ELF3: variants seen among roughly 807,000 people sequenced by gnomAD.
The protein encoded by ELF3 is ETS-related transcription factor Elf-3.
A neutral mutation model predicts 43.9 loss-of-function variants in ELF3; 18 were observed. The ratio of observed to expected loss-of-function variants is 0.41; its 90% CI spans 0.28 to 0.61. The LOEUF (loss-of-function observed/expected upper bound fraction) is 0.61, where lower values mean the gene tolerates loss of function less well. Ranked by LOEUF, ELF3 falls within the 20% of genes least tolerant of loss-of-function variation. The pLI is 0.30. For missense variants in ELF3, 373 were observed against 487.7 expected, an observed-to-expected ratio of 0.76 and a Z score of 2.21; for synonymous variants, 181 against 190.2, an observed-to-expected ratio of 0.95 and a Z score of 0.40.
Position 202,011,994 on chromosome 1 carries a change from G to A in ELF3, c.201G>A (p.Trp67Ter). 6.2e-7 allele frequency: 1 copy of A among 1,614,130 alleles called. No homozygotes were observed. Among genetic ancestry groups the A allele is most frequent in the Non-Finnish European group, 8.5e-7 (1 of 1,180,042 alleles). ...GGTTGGGGGAACAGCCCCAGTTCTG[G>A]TCGAAGACGCAGGTTCTGGACTGGA... is the stretch of plus-strand genomic sequence containing the variant. ...ASWLGEQPQFWSKTQVLDWIS... is the reference protein window; with the variant it reads ...ASWLGEQPQF The change falls in exon 3 of 9, where the codon TGG becomes TGA. Residue 67 changes from tryptophan (W) to a stop codon, truncating the protein, a stop_gained. Coordinates refer to ENST00000367284, the MANE Select transcript of ELF3 (RefSeq NM_004433.5). LOFTEE classifies it high-confidence loss of function.
chr1:202,012,123 G>A lies in ELF3; in HGVS notation c.330G>A (p.Leu110=), dbSNP rs773904863. The A allele has an allele frequency of 2.0e-5, 32 of 1,613,922 alleles. No homozygotes were observed. The highest frequency in any genetic ancestry group is 3.3e-5 in the Admixed American group (2 of 60,004). The change falls in exon 3 of 9, where the codon CTG becomes CTA. Residue 110 remains leucine, a synonymous_variant. Coordinates refer to ENST00000367284, the MANE Select transcript of ELF3 (RefSeq NM_004433.5). The surrounding 1 kb of genome is among the most constrained non-coding windows in gnomAD (Gnocchi z 4.2). ...TCTGCAATTGTGCCCTTGAGGAGCT[G>A]CGTCTGGTCTTTGGGCCTCTGGGGG... ...ATLCNCALEE[L]RLVFGPLGDQ...
At position 202,013,943 on chromosome 1, in the gene ELF3, G is replaced by A. The variant is rs149305892; in HGVS notation, c.920G>A (p.Arg307His). The A allele has an allele frequency of 4.4e-5, 71 of 1,613,876 alleles. No homozygotes were observed. Among genetic ancestry groups the A allele is most frequent in the Admixed American group, 6.7e-5 (4 of 59,976 alleles). ...CATGAAGGCGTCTTCAAGTTCCTGC[G>A]CTCCGAGGCTGTGGCCCAACTATGG... ...NRHEGVFKFLRSEAVAQLWGQ... is the reference protein window; with the variant it reads ...NRHEGVFKFLHSEAVAQLWGQ... Residue 307 changes from arginine to histidine, a missense_variant, in exon 8 of 9, where the codon CGC (arginine) becomes CAC (histidine). By Grantham distance (29) the Arg-to-His change is conservative. This residue lies in a region of ELF3 where 61 missense variants were observed against 115.9 expected (regional missense o/e 0.53). Transcript: ENST00000367284. The surrounding 1 kb of genome is among the most constrained non-coding windows in gnomAD (Gnocchi z 5.7).
chr1:202,011,299 G>T lies in ELF3; in HGVS notation c.163G>T (p.Glu55Ter). 1 of 1,573,992 alleles carries T rather than the reference G, an allele frequency of 6.4e-7. No homozygotes were observed. The highest frequency in any genetic ancestry group is 8.6e-7 in the Non-Finnish European group (1 of 1,158,086). ...CCCCCAGATGTCATTGGAGGGTACAGGTGGGTCTCAGCGGGGTGGGATGGG... is the reference window on the plus strand; with the variant it reads ...CCCCCAGATGTCATTGGAGGGTACATGTGGGTCTCAGCGGGGTGGGATGGG... ...SNPQMSLEGT[E>*]KASWLGEQPQ... is the part of the protein sequence containing the mutation. The change falls in exon 2 of 9, where the codon GAG becomes TAG. Residue 55 changes from glutamate to a stop codon, truncating the protein, a stop_gained and splice_region_variant. Transcript: ENST00000367284. LOFTEE classifies it high-confidence loss of function.
chr1:202,012,300 G>A lies in ELF3; in HGVS notation c.386-44G>A, dbSNP rs1684219686. On this transcript the variant is annotated intron_variant, in intron 3 of 8. Coordinates refer to ENST00000367284, the MANE Select transcript of ELF3 (RefSeq NM_004433.5). The surrounding 1 kb of genome is among the most constrained non-coding windows in gnomAD (Gnocchi z 4.2). Reference sequence around the variant, plus strand: ...CTGCACAGCCAGAGAGAGCCCTTGAGGGAGGGATTAGGGGAGTGTGACCCT... The same window carrying A: ...CTGCACAGCCAGAGAGAGCCCTTGAAGGAGGGATTAGGGGAGTGTGACCCT... 4 of 1,611,316 alleles carry A rather than the reference G, an allele frequency of 2.5e-6. No homozygotes were observed. Among genetic ancestry groups the A allele is most frequent in the Non-Finnish European group, 3.4e-6 (4 of 1,178,284 alleles).
chr1:202,015,256 T>G lies in ELF3; in HGVS notation c.1049T>G (p.Leu350Arg), dbSNP rs1458867390. ...EILERVDGRRLVYKFGKNSSG... is the reference protein window; with the variant it reads ...EILERVDGRRRVYKFGKNSSG... ...CTGGAACGGGTGGATGGCCGGCGAC[T>G]CGTCTACAAGTTTGGCAAAAACTCA... The change falls in exon 9 of 9, where the codon CTC becomes CGC. Residue 350 changes from leucine (L) to arginine (R), a missense_variant. By Grantham distance (102) the Leu-to-Arg change is moderately radical (BLOSUM62 -2). Coordinates refer to ENST00000367284, the MANE Select transcript of ELF3 (RefSeq NM_004433.5). The G allele has an allele frequency of 6.2e-7, 1 of 1,614,078 alleles. No homozygotes were observed.
intron 2 of ELF3, chr1:202,011,738 G>C (rs780184786): frequency 5.2e-6 from 3 of 573,316 alleles, no homozygotes; most frequent in Non-Finnish European, 9.2e-6. Context: ...TTATCCCAGC[G>C]TGGTGGTGGG....
In ELF3 at chr1:202,012,161, C is replaced by A. The variant is rs764141139; in HGVS notation, c.368C>A (p.Ala123Asp). ...GGGCCTCTGGGGGACCAACTCCATG[C>A]CCAGCTGCGAGACCTCAGTGAGTCC... Reference protein sequence around the residue: ...VFGPLGDQLHAQLRDLTSSSS... With the variant: ...VFGPLGDQLHDQLRDLTSSSS... Residue 123 changes from alanine (A) to aspartate (D), a missense_variant, in exon 3 of 9, where the codon GCC becomes GAC. Ala to Asp is a moderately radical substitution (Grantham distance 126, BLOSUM62 -2). Transcript: ENST00000367284. This position sits in a 1 kb window ranked among gnomAD's most constrained non-coding sequence, Gnocchi z 4.2. 6 of 1,613,452 alleles carry A rather than the reference C, an allele frequency of 3.7e-6. No homozygotes were observed. Among genetic ancestry groups the A allele is most frequent in the South Asian group, 1.1e-5 (1 of 91,032 alleles).
intron 2 of ELF3, 186 bp from the exon 3 acceptor site, chr1:202,011,771 G>C: frequency 1.6e-6 from 1 of 618,900 alleles, no homozygotes; most frequent in Non-Finnish European, 2.8e-6. Context: ...CAGCTACTGG[G>C]GAGGCTGACG....
In ELF3 at chr1:202,015,335, A is replaced by AT; in HGVS notation, c.*13dup. 6.2e-7 allele frequency: 1 copy of AT among 1,613,690 alleles called. No individual in the cohort carries two copies. The highest frequency in any genetic ancestry group is 8.5e-7 in the Non-Finnish European group (1 of 1,179,812). ...AGAGTCGGAACTGAGGGTTGGAACTATACCCGGGACCAAACTCACGGACCA... is the reference window on the plus strand; with the variant it reads ...AGAGTCGGAACTGAGGGTTGGAACTATTACCCGGGACCAAACTCACGGACCA... On this transcript the variant is annotated 3_prime_UTR_variant, in exon 9 of 9. Transcript: ENST00000367284.
Position 202,016,388 on chromosome 1 carries a change from G to A in ELF3, c.*1065G>A, listed in dbSNP as rs1684310048. ...GGTTTGGACCTGATGTTCTCAAGAT[G>A]TCTAGAATTGCATGGCTGGCCTTGT... On this transcript the variant is annotated 3_prime_UTR_variant, in exon 9 of 9. Coordinates refer to ENST00000367284, the MANE Select transcript of ELF3 (RefSeq NM_004433.5). The A allele has an allele frequency of 6.6e-6, 1 of 152,148 alleles. No homozygotes were observed. The highest frequency in any genetic ancestry group is 6.6e-5 in the Admixed American group (1 of 15,240). The allele number at this position is 152,148 out of a possible 1,614,324, so 9.4% of individuals were successfully genotyped here. A position where few individuals can be genotyped will look rare whatever the true frequency, so the allele number is the denominator to read the frequency against.
Position 202,012,054 on chromosome 1 carries a change from A to C in ELF3, c.261A>C (p.Ala87=). Residue 87 remains alanine, a synonymous_variant, in exon 3 of 9, where the codon GCA becomes GCC. Transcript: ENST00000367284. This position sits in a 1 kb window ranked among gnomAD's most constrained non-coding sequence, Gnocchi z 4.2. The part of the protein sequence containing the change: ...SYQVEKNKYD[A]SAIDFSRCDM... ...AAGTGGAGAAGAACAAGTACGACGC[A>C]AGCGCCATTGACTTCTCACGATGTG... 6.2e-7 allele frequency: 1 copy of C among 1,614,198 alleles called. No homozygotes were observed. The highest frequency in any genetic ancestry group is 8.5e-7 in the Non-Finnish European group (1 of 1,180,028).
At position 202,011,052 on chromosome 1, in the gene ELF3, A is replaced by C. The variant is rs1329893533; in HGVS notation, c.-8-77A>C. The C allele has an allele frequency of 1.9e-6, 3 of 1,556,934 alleles. No homozygotes were observed. In the Admixed American group the frequency reaches 5.3e-5, roughly 27 times the overall value. On this transcript the variant is annotated intron_variant, in intron 1 of 8. Coordinates refer to ENST00000367284, the MANE Select transcript of ELF3 (RefSeq NM_004433.5). ...GGGCTACTCTTGCCCAGGGTTGGGCAAAGCAGAGTAGCTGGGAGTGTAAGG... is the reference window on the plus strand; with the variant it reads ...GGGCTACTCTTGCCCAGGGTTGGGCCAAGCAGAGTAGCTGGGAGTGTAAGG...
rs1271263965 is a variant in ELF3 at position 202,013,751 on chromosome 1, A to G, written c.806-78A>G. The G allele has an allele frequency of 4.0e-6, 6 of 1,493,226 alleles. No homozygotes were observed. Among genetic ancestry groups the G allele is most frequent in the Admixed American group, 4.2e-5 (2 of 47,382 alleles). The allele number at this position is 1,493,226 out of a possible 1,614,324, so 92.5% of individuals were successfully genotyped here. A position where few individuals can be genotyped will look rare whatever the true frequency, so the allele number is the denominator to read the frequency against. On this transcript the variant is annotated intron_variant, in intron 7 of 8. Coordinates refer to ENST00000367284, the MANE Select transcript of ELF3 (RefSeq NM_004433.5). This position sits in a 1 kb window ranked among gnomAD's most constrained non-coding sequence, Gnocchi z 5.7. ...CATGCTGTGGCCAAGTCAGCAGTGC[A>G]CTGGGGCGGGCAGGGCTGGCTGGCC...
Position 202,012,811 on chromosome 1 carries a change from C to T in ELF3, c.598+52C>T. The T allele has an allele frequency of 1.3e-6, 2 of 1,536,074 alleles. No homozygotes were observed. Among genetic ancestry groups the T allele is most frequent in the Non-Finnish European group, 1.8e-6 (2 of 1,141,796 alleles). On this transcript the variant is annotated intron_variant, in intron 5 of 8. Coordinates refer to ENST00000367284, the MANE Select transcript of ELF3 (RefSeq NM_004433.5). This position sits in a 1 kb window ranked among gnomAD's most constrained non-coding sequence, Gnocchi z 4.2. The stretch of plus-strand genomic sequence containing the variant: ...TCCCTTCCCCGAAGTGTCCCTTGTT[C>T]CCTCTGGCTCCCAGCACCATAACTC...
At chr1:202,011,602 T>C (rs1380539625) in intron 2 of ELF3, 5 of 466,194 alleles carry the variant, frequency 1.1e-5, no homozygotes, top group Non-Finnish European at 3.8e-6. Flanking sequence ...CTGGGAGTGG[T>C]GGCTCACGCC....
chr1:202,013,269 A>T lies in ELF3; in HGVS notation c.776A>T (p.Asp259Val). The T allele has an allele frequency of 6.2e-7, 1 of 1,614,050 alleles. No homozygotes were observed. The highest frequency in any genetic ancestry group is 8.5e-7 in the Non-Finnish European group (1 of 1,180,012). Reference sequence around the variant, plus strand: ...CGAAAGCTGAGCAAAGAGTACTGGGACTGTCTCGAGGGCAAGAAGAGCAAG... The same window carrying T: ...CGAAAGCTGAGCAAAGAGTACTGGGTCTGTCTCGAGGGCAAGAAGAGCAAG... ...RPRKLSKEYW[D>V]CLEGKKSKHA... The change falls in exon 7 of 9, where the codon GAC becomes GTC. Residue 259 changes from aspartate to valine, a missense_variant. Asp to Val is a radical substitution (Grantham distance 152). This residue lies in a region of ELF3 where 311 missense variants were observed against 351.2 expected (regional missense o/e 0.89). Transcript: ENST00000367284. This position sits in a 1 kb window ranked among gnomAD's most constrained non-coding sequence, Gnocchi z 5.7.
Position 202,012,430 on chromosome 1 carries a change from C to T in ELF3, c.472C>T (p.Pro158Ser), listed in dbSNP as rs896915200. The change falls in exon 4 of 9, where the codon CCC becomes TCC. Residue 158 changes from proline (P) to serine (S), a missense_variant. Pro to Ser is a moderately conservative substitution (Grantham distance 74, BLOSUM62 -1). Transcript: ENST00000367284. This position sits in a 1 kb window ranked among gnomAD's most constrained non-coding sequence, Gnocchi z 4.2. ...CTTCCAGGAGGCCCTAGACCCAGGG[C>T]CCTTTGGTGAGAACCCGTTTTCTCC... is the stretch of plus-strand genomic sequence containing the variant. ...MAFQEALDPG[P>S]FDQGSPFAQE... The T allele has an allele frequency of 1.2e-6, 2 of 1,613,834 alleles. No homozygotes were observed. The highest frequency in any genetic ancestry group is 1.3e-5 in the African/African-American group (1 of 75,006).
In ELF3 at chr1:202,012,781, C is replaced by A. The variant is rs753162206; in HGVS notation, c.598+22C>A. On this transcript the variant is annotated intron_variant, in intron 5 of 8. Transcript: ENST00000367284. The surrounding 1 kb of genome is among the most constrained non-coding windows in gnomAD (Gnocchi z 4.2). ...GCAGGTGAGAGCTCTCTCTGGGCCA[C>A]AACCTCCCTTCCCCGAAGTGTCCCT... 4 of 1,541,662 alleles carry A rather than the reference C, an allele frequency of 2.6e-6. No individual in the cohort carries two copies. The Admixed American group carries it at 6.0e-5, about 23-fold the overall frequency.
In ELF3 at chr1:202,013,064, C is replaced by T. The variant is rs762257746; in HGVS notation, c.688+28C>T. The T allele has an allele frequency of 1.1e-5, 18 of 1,606,472 alleles. No individual in the cohort carries two copies. Among genetic ancestry groups the T allele is most frequent in the African/African-American group, 5.3e-5 (4 of 74,774 alleles). On this transcript the variant is annotated intron_variant, in intron 6 of 8. Transcript: ENST00000367284. The surrounding 1 kb of genome is among the most constrained non-coding windows in gnomAD (Gnocchi z 5.7). The stretch of plus-strand genomic sequence containing the variant: ...GAGTCGAGGGAGGTCCCCAAGAGGG[C>T]GTCCCATTTAGCAATGCACAGGGGG...
Sources: allele counts gnomAD v4.1 joint callset, GRCh38; gene constraint gnomAD v4.1.1; regional missense constraint gnomAD v4.1.1; non-coding constraint Gnocchi (gnomAD v3.1); transcripts MANE v1.5; gene names NCBI Gene and HGNC (gene_info 2026-07-23, HGNC 2026-07-21).